The following IRAG2 variants were observed in gnomAD, a reference collection of about 807,000 sequenced individuals.
The protein encoded by IRAG2 is inositol 1,4,5-triphosphate receptor associated 2, also known as lymphoid restricted membrane protein.
In IRAG2, 45 loss-of-function variants were observed where a neutral mutation model predicts 69.9. That is an observed-to-expected ratio of 0.64 (90% confidence interval 0.51 to 0.83). The LOEUF (loss-of-function observed/expected upper bound fraction) is 0.83. IRAG2 is among the 40% of genes least tolerant of loss of function. IRAG2 has a pLI of 0.00. For missense variants in IRAG2, 520 were observed against 587.0 expected, an observed-to-expected ratio of 0.89 and a Z score of 1.18; for synonymous variants, 193 against 202.4, an observed-to-expected ratio of 0.95 and a Z score of 0.40.
chr12:25,057,612 C>A (rs1159016828), intron 1 of IRAG2, among the ~76,000 whole-genome samples: 1 of 152,062 alleles, frequency 6.6e-6, no homozygotes, highest in Non-Finnish European at 1.5e-5. Context: ...ATAATCCCTG[C>A]ATTATTTTGT....
intron 9 of IRAG2, among the ~76,000 whole-genome samples, chr12:25,082,982 G>C (rs1947328148): frequency 6.6e-6 from 1 of 152,100 alleles, no homozygotes; most frequent in South Asian, 2.1e-4. Flanking sequence ...AATTTAGAAA[G>C]CTACCATGTT....
intron 9 of IRAG2, among the ~76,000 whole-genome samples, chr12:25,027,398 CTTT>C (rs527395400): frequency 7.8e-6 from 1 of 128,476 alleles, no homozygotes; most frequent in African/African-American, 2.9e-5. Context: ...CTTTTTTTTT[CTTT>C]TTTTTTTTTT....
intron 1 of IRAG2, chr12:25,004,953 A>G: frequency 8.6e-7 from 1 of 1,158,256 alleles, no homozygotes; most frequent in Non-Finnish European, 1.1e-6. Flanking sequence ...CTTCCAATAG[A>G]GCAATAAACA....
chr12:25,050,008 A>AAAAAAAAAAAAAACC, upstream of IRAG2, among the ~76,000 whole-genome samples: 1 of 141,554 alleles, frequency 7.1e-6, no homozygotes, highest in Non-Finnish European at 1.5e-5. Flanking sequence ...AAAAAAAAAA[A>AAAAAAAAAAAAAACC]GCTACTCGGG....
At chr12:25,050,863 AAT>A (rs1377625726), upstream of IRAG2, among the ~76,000 whole-genome samples, 1 of 152,044 alleles carries the variant, frequency 6.6e-6, no homozygotes, top group Non-Finnish European at 1.5e-5. Context: ...TCCCAAGTAA[AAT>A]AAGTGAGTCA....
chr12:25,104,332 G>T, intron 19 of IRAG2, 29 bp from the exon 20 acceptor site: 1 of 1,378,856 alleles, frequency 7.3e-7, no homozygotes, highest in South Asian at 1.2e-5. Flanking sequence ...TATTTGATTT[G>T]ACAAGTGGCT....
intron 9 of IRAG2, among the ~76,000 whole-genome samples, chr12:25,082,452 T>G (rs183779550): frequency 6.6e-6 from 1 of 151,646 alleles, no homozygotes; most frequent in Non-Finnish European, 1.5e-5. Flanking sequence ...ATACAAAAAT[T>G]AGCTGGGCAT....
chr12:25,005,372 T>C, intron 2 of IRAG2: 1 of 1,103,146 alleles, frequency 9.1e-7, no homozygotes, highest in South Asian at 4.6e-5. Context: ...AAAAATTATC[T>C]GTTTAAACAT....
At chr12:25,101,845 C>A (rs1432103401) in intron 16 of IRAG2, 4 of 487,724 alleles carry the variant, frequency 8.2e-6, no homozygotes, top group Non-Finnish European at 1.6e-5. Flanking sequence ...CTTTTCTGAG[C>A]AGAATTCTTA....
intron 10 of IRAG2, among the ~76,000 whole-genome samples, chr12:25,085,332 A>G (rs1317656971): frequency 8.3e-6 from 1 of 120,536 alleles, no homozygotes; most frequent in Non-Finnish European, 1.8e-5. Context: ...GGGGGGATGG[A>G]GTGGGAAGGT....
chr12:24,998,715 A>T, the IRAG2 span, among the ~76,000 whole-genome samples: 2 of 152,062 alleles, frequency 1.3e-5, no homozygotes, highest in East Asian at 3.9e-4. Context: ...TATATTAAGG[A>T]TTTTGCATTA....
Position 25,108,119 on chromosome 12 carries a change from A to AAATT in IRAG2, c.*61_*64dup. 1.3e-6 allele frequency: 2 copies of AAATT among 1,570,630 alleles called. No individual in the cohort carries two copies. The highest frequency in any genetic ancestry group is 1.7e-5 in the Admixed American group (1 of 57,358). ...TTAAGTTTCAGTATCTGAACTTCGTAAATTAGTAACTTTTAGCTGGGAAAG... is the reference window on the plus strand; with the variant it reads ...TTAAGTTTCAGTATCTGAACTTCGTAAATTAATTAGTAACTTTTAGCTGGGAAAG... On this transcript the variant is annotated 3_prime_UTR_variant, in exon 22 of 22. Coordinates refer to ENST00000556887, the MANE Select transcript of IRAG2 (RefSeq NM_001366544.2).
At chr12:25,003,456 C>G (rs184602914), upstream of IRAG2, among the ~76,000 whole-genome samples, 19 of 152,048 alleles carry the variant, frequency 1.2e-4, no homozygotes, top group Non-Finnish European at 1.6e-4. Flanking sequence ...AGTGACCCTC[C>G]CACCCCCACC....
chr12:25,064,946 T>C (rs1945872100), intron 4 of IRAG2, among the ~76,000 whole-genome samples: 1 of 152,056 alleles, frequency 6.6e-6, no homozygotes, highest in Admixed American at 6.6e-5. Flanking sequence ...AAAAATTAGC[T>C]GGGCATGGTG....
chr12:25,006,549 C>A (rs1944433025), intron 2 of IRAG2: 1 of 152,154 alleles, frequency 6.6e-6, no homozygotes, highest in African/African-American at 2.4e-5. Flanking sequence ...GCCAAAAAAA[C>A]AAACAAGATC....
At chr12:25,100,218 A>G (rs1948678701) in intron 15 of IRAG2, among the ~76,000 whole-genome samples, 1 of 151,892 alleles carries the variant, frequency 6.6e-6, no homozygotes, top group Non-Finnish European at 1.5e-5. Context: ...AAAGGAAGGA[A>G]GGAGGGAGGG....
At chr12:25,100,012 A>AAAAAAAAAAAAAAT in intron 15 of IRAG2, among the ~76,000 whole-genome samples, 1 of 149,924 alleles carries the variant, frequency 6.7e-6, no homozygotes, top group African/African-American at 2.5e-5. Context: ...AAAAAAAAAA[A>AAAAAAAAAAAAAAT]AAAAAAAAAA....
chr12:25,026,486 C>T (rs149025037), intron 8 of IRAG2, among the ~76,000 whole-genome samples: 59 of 152,018 alleles, frequency 3.9e-4, no homozygotes, highest in Non-Finnish European at 1.2e-4. Context: ...AAAAGGTGGT[C>T]GGATCAATGG....
chr12:25,066,809 C>A (rs1169687235), intron 5 of IRAG2, among the ~76,000 whole-genome samples: 1 of 151,834 alleles, frequency 6.6e-6, no homozygotes, highest in African/African-American at 2.4e-5. Flanking sequence ...GCCACCATGC[C>A]CAGCTAGTTT....
Sources: gnomAD v4.1 joint callset for allele counts (sites outside exome capture counted in the v4.1 genomes callset) on GRCh38, gnomAD v4.1.1 for gene constraint, MANE v1.5 for transcripts, NCBI Gene and HGNC (gene_info 2026-07-23, HGNC 2026-07-21) for gene names.